The following RAD51B variants were observed in gnomAD, a reference collection of about 807,000 sequenced individuals.
RAD51B encodes the protein RAD51 paralog B.
Under a neutral mutation model 42.2 loss-of-function variants are expected in RAD51B, and 38 were observed. That is an observed-to-expected ratio of 0.90 (90% CI 0.70 to 1.18). The LOEUF (loss-of-function observed/expected upper bound fraction) is 1.18. Among genes scored for constraint, RAD51B ranks in the 50% most tolerant of loss-of-function variants. RAD51B has a pLI of 0.00. For missense variants in RAD51B, 373 were observed against 400.7 expected (o/e 0.93, Z 0.59); for synonymous variants, 154 against 145.2 (o/e 1.06, Z -0.43).
At chr14:68,405,695 C>G (rs1283179285) in intron 8 of RAD51B, among the ~76,000 whole-genome samples, 1 of 151,944 alleles carries the variant, frequency 6.6e-6, no homozygotes, top group Non-Finnish European at 1.5e-5. Flanking sequence ...TACATGGGTA[C>G]TTTTTTATAC....
At chr14:68,146,735 A>G (rs769403500) in intron 7 of RAD51B, among the ~76,000 whole-genome samples, 3 of 152,224 alleles carry the variant, frequency 2.0e-5, no homozygotes, top group Non-Finnish European at 4.4e-5. Context: ...AATTTGGCCC[A>G]TAATTATGGC....
At chr14:68,552,889 C>T (rs1888649773) in intron 10 of RAD51B, among the ~76,000 whole-genome samples, 1 of 152,124 alleles carries the variant, frequency 6.6e-6, no homozygotes, top group Middle Eastern at 3.2e-3. Context: ...TCACATGCAG[C>T]TTTTCTAAGG....
chr14:68,186,869 T>A (rs1218101553), intron 7 of RAD51B, among the ~76,000 whole-genome samples: 1 of 152,076 alleles, frequency 6.6e-6, no homozygotes, highest in Non-Finnish European at 1.5e-5. Flanking sequence ...TGGGTATATA[T>A]CCAATAGAAA....
At chr14:68,251,405 A>G (rs1314561060) in intron 7 of RAD51B, among the ~76,000 whole-genome samples, 1 of 152,142 alleles carries the variant, frequency 6.6e-6, no homozygotes, top group African/African-American at 2.4e-5. Context: ...GAGTGTAGCT[A>G]TACAAGGAAA....
chr14:68,051,346 T>C (rs891229836), intron 7 of RAD51B, among the ~76,000 whole-genome samples: 1 of 152,158 alleles, frequency 6.6e-6, no homozygotes, highest in Non-Finnish European at 1.5e-5. Flanking sequence ...AACATCGGAA[T>C]GTACTCTCAT....
intron 5 of RAD51B, among the ~76,000 whole-genome samples, chr14:67,869,511 T>C (rs997552155): frequency 2.0e-5 from 3 of 152,156 alleles, no homozygotes; most frequent in African/African-American, 7.2e-5. Flanking sequence ...GAAAACACTC[T>C]GCAGGATATT....
At chr14:67,842,837 A>G (rs1206249420) in intron 4 of RAD51B, among the ~76,000 whole-genome samples, 1 of 152,130 alleles carries the variant, frequency 6.6e-6, no homozygotes. Flanking sequence ...ATTTTGAGGT[A>G]TGTTCATTTC....
chr14:68,365,233 G>A (rs1566835488), intron 8 of RAD51B, among the ~76,000 whole-genome samples: 1 of 152,234 alleles, frequency 6.6e-6, no homozygotes, highest in Non-Finnish European at 1.5e-5. Context: ...AAAAAGGCCT[G>A]TAAGTAGAAT....
chr14:68,251,672 G>A (rs1459663156), intron 7 of RAD51B, among the ~76,000 whole-genome samples: 1 of 152,086 alleles, frequency 6.6e-6, no homozygotes, highest in Non-Finnish European at 1.5e-5. Flanking sequence ...ATCTTTGCTC[G>A]GCTGGGTCCA....
chr14:68,643,239 A>C (rs1348827018), intron 10 of RAD51B, among the ~76,000 whole-genome samples: 1 of 152,114 alleles, frequency 6.6e-6, no homozygotes, highest in African/African-American at 2.4e-5. Flanking sequence ...GGAGGGCTGA[A>C]CCCTAAATCA....
chr14:68,131,661 A>G (rs2077895555), intron 7 of RAD51B, among the ~76,000 whole-genome samples: 1 of 152,150 alleles, frequency 6.6e-6, no homozygotes, highest in Admixed American at 6.5e-5. Context: ...ATGCCACTTC[A>G]CTCCAGCCTA....
intron 10 of RAD51B, among the ~76,000 whole-genome samples, chr14:68,625,506 T>C (rs1167804587): frequency 6.6e-6 from 1 of 152,174 alleles, no homozygotes; most frequent in Admixed American, 6.5e-5. Flanking sequence ...AGGGTCTCAC[T>C]CTGTTGCCCA....
chr14:68,560,986 T>G (rs1889118892), intron 10 of RAD51B, among the ~76,000 whole-genome samples: 1 of 152,186 alleles, frequency 6.6e-6, no homozygotes, highest in African/African-American at 2.4e-5. Context: ...ACGCCTGAAA[T>G]GGGGCTCTGG....
At position 67,937,708 on chromosome 14, in the gene RAD51B, A is replaced by C. The variant is rs889012135; in HGVS notation, c.756+50504A>C. Among the ~76,000 whole-genome samples the C allele has an allele frequency of 3.9e-5, 6 of 152,240 alleles. No individual in the cohort carries two copies. The South Asian group carries it at 8.3e-4, about 21-fold the overall frequency. On this transcript the variant is annotated intron_variant, in intron 7 of 10. Transcript: ENST00000471583. ...GTAACACGCTGGGATGGTTGTGGCC[A>C]CTTGTCTGTCTCATTGGTCCATCTC...
intron 5 of RAD51B, among the ~76,000 whole-genome samples, chr14:67,871,487 C>T (rs543940998): frequency 5.6e-4 from 86 of 152,304 alleles, no homozygotes; most frequent in African/African-American, 1.9e-3. Context: ...AATGGATTCA[C>T]AGCCGAATTC....
chr14:68,132,659 G>A (rs2077918673), intron 7 of RAD51B, among the ~76,000 whole-genome samples: 1 of 152,070 alleles, frequency 6.6e-6, no homozygotes, highest in Admixed American at 6.6e-5. Context: ...CATCCCACTG[G>A]GCCCCAGAAA....
chr14:67,878,132 A>G (rs2042787792), intron 5 of RAD51B, among the ~76,000 whole-genome samples: 1 of 152,194 alleles, frequency 6.6e-6, no homozygotes, highest in East Asian at 1.9e-4. Context: ...GAAATCCATT[A>G]AGGATATATT....
At chr14:68,519,302 C>T (rs1395318804) in intron 10 of RAD51B, among the ~76,000 whole-genome samples, 1 of 152,222 alleles carries the variant, frequency 6.6e-6, no homozygotes, top group Admixed American at 6.5e-5. Flanking sequence ...TGCAGATTTC[C>T]TGGCCAACCT....
At chr14:68,541,826 C>G (rs1194186732) in intron 10 of RAD51B, 1 of 984,760 alleles carries the variant, frequency 1.0e-6, no homozygotes, top group African/African-American at 1.7e-5. Flanking sequence ...CTATCTTTTA[C>G]AAGGCAGCCT....
Sources: allele counts gnomAD v4.1 joint callset (sites outside exome capture counted in the v4.1 genomes callset), GRCh38; gene constraint gnomAD v4.1.1; transcripts MANE v1.5; gene names NCBI Gene and HGNC (gene_info 2026-07-23, HGNC 2026-07-21).